The following DST variants were observed in gnomAD, a reference collection of about 807,000 sequenced individuals.
DST encodes the protein dystonin.
Under a neutral mutation model 875.2 loss-of-function variants are expected in DST, and 253 were observed. The ratio of observed to expected loss-of-function variants is 0.29; its 90% CI spans 0.26 to 0.32. The LOEUF is 0.32. Ranked by LOEUF, DST falls within the 10% of genes least tolerant of loss-of-function variation. The pLI is 1.00. For synonymous variants in DST, 3,124 were observed against 3,197.1 expected (o/e 0.98, Z 0.77); for missense variants, 8,287 against 9,111.6 (o/e 0.91, Z 3.68).
intron 92 of DST, among the ~76,000 whole-genome samples, chr6:56,475,073 G>T (rs1321671651): frequency 6.6e-6 from 1 of 151,754 alleles, no homozygotes; most frequent in Non-Finnish European, 1.5e-5. Context: ...TTCCAAGGGT[G>T]GTAAAAACTA....
rs1383525442 is a variant in DST, at chr6:56,487,091, A to C, written c.21047+13T>G. On this transcript the variant is annotated intron_variant, in intron 87 of 103. Transcript: ENST00000680361. ...TCTACAGAGTAACCAAACTGTCTTA[A>C]AGAACATTTTACCTTTCCACAGATT... 1 of 1,613,352 alleles carries C rather than the reference A, an allele frequency of 6.2e-7. No homozygotes were observed. Among genetic ancestry groups the C allele is most frequent in the Admixed American group, 1.7e-5 (1 of 59,976 alleles).
intron 9 of DST, among the ~76,000 whole-genome samples, chr6:56,684,899 G>A (rs775615762): frequency 1.3e-5 from 2 of 152,082 alleles, no homozygotes; most frequent in South Asian, 2.1e-4. Context: ...GGAAGATACC[G>A]TCCTGGATCT....
chr6:56,531,705 T>C (rs2096898209), intron 64 of DST, among the ~76,000 whole-genome samples: 1 of 152,112 alleles, frequency 6.6e-6, no homozygotes, highest in African/African-American at 2.4e-5. Flanking sequence ...CTATGGCTAG[T>C]CAATGGCGGC....
intron 2 of DST, among the ~76,000 whole-genome samples, chr6:56,906,820 G>C (rs1039994193): frequency 5.3e-5 from 8 of 152,028 alleles, no homozygotes; most frequent in African/African-American, 1.7e-4. Flanking sequence ...CGAACCCCGG[G>C]TATTTACCCC....
At chr6:56,920,072 T>C (rs1340250517) in intron 2 of DST, among the ~76,000 whole-genome samples, 2 of 152,202 alleles carry the variant, frequency 1.3e-5, no homozygotes, top group Admixed American at 6.5e-5. Context: ...AACAAATATA[T>C]AGACTGTTTA....
At chr6:56,556,762 C>G (rs1461750831) in intron 59 of DST, among the ~76,000 whole-genome samples, 1 of 151,996 alleles carries the variant, frequency 6.6e-6, no homozygotes, top group Non-Finnish European at 1.5e-5. Flanking sequence ...GGATTTTTTT[C>G]CCTTGTGGAT....
chr6:56,720,902 G>A (rs1219194666), intron 5 of DST, among the ~76,000 whole-genome samples: 3 of 147,664 alleles, frequency 2.0e-5, no homozygotes. Flanking sequence ...CCGGGCAGAG[G>A]GGCTCCTCAC....
intron 79 of DST, 103 bp downstream of exon 79, chr6:56,501,417 T>C (rs1468872937): frequency 8.7e-6 from 10 of 1,148,008 alleles, no homozygotes; most frequent in Middle Eastern, 2.9e-4. Context: ...AAATAGAATA[T>C]ATGAGAAGCA....
intron 4 of DST, among the ~76,000 whole-genome samples, chr6:56,748,893 G>A (rs2099579727): frequency 6.6e-6 from 1 of 152,106 alleles, no homozygotes; most frequent in African/African-American, 2.4e-5. Context: ...AAACAGATGT[G>A]ATTTCTTACT....
At chr6:56,826,680 A>T (rs2153055256) in intron 4 of DST, among the ~76,000 whole-genome samples, 1 of 152,350 alleles carries the variant, frequency 6.6e-6, no homozygotes, top group African/African-American at 2.4e-5. Context: ...CATATTACTT[A>T]TTAGTTGCTT....
chr6:56,645,881 C>T lies in DST; in HGVS notation c.1763G>A (p.Arg588His), dbSNP rs566628404. The part of the protein sequence containing the change: ...IAMLEREKAL[R>H]PEVERLEMLQ... ...TCTGGCCTACCTTTCTACTTCTGGA[C>T]GAAGGGCCTTCTCTCTCTCTAGCAT... Residue 588 changes from arginine to histidine, a missense_variant, in exon 15 of 104, where the codon CGT (arginine) becomes CAT (histidine). Coordinates refer to ENST00000680361, the MANE Select transcript of DST (RefSeq NM_001374736.1). The T allele has an allele frequency of 1.1e-5, 17 of 1,613,712 alleles. No individual in the cohort carries two copies. The highest frequency in any genetic ancestry group is 4.5e-5 in the East Asian group (2 of 44,860).
At chr6:56,572,363 C>A in intron 52 of DST, 97 bp from the exon 53 acceptor site, 1 of 696,098 alleles carries the variant, frequency 1.4e-6, no homozygotes, top group South Asian at 3.5e-5. Flanking sequence ...TGGCTCTATT[C>A]ATAATTTCAC....
Position 56,553,558 on chromosome 6 carries a change from T to G in DST, c.15234A>C (p.Glu5078Asp). 2 of 1,613,982 alleles carry G rather than the reference T, an allele frequency of 1.2e-6. No individual in the cohort carries two copies. Among genetic ancestry groups the G allele is most frequent in the Non-Finnish European group, 1.7e-6 (2 of 1,179,896 alleles). The change falls in exon 61 of 104, where the codon GAA becomes GAC. Residue 5078 changes from glutamate (E) to aspartate (D), a missense_variant. Around this residue, in one of 10 missense-constraint regions of DST, gnomAD observed 1,513 missense variants for 1,677.8 expected, o/e 0.90. Transcript: ENST00000680361. The stretch of plus-strand genomic sequence containing the variant: ...ATATTGGATGAGATTTGTTTTGCTC[T>G]TCTTTCTTTGTATCCAGCCAAGCCT... ...DFQAWLDTKK[E>D]EQNKSHPISA...
intron 2 of DST, among the ~76,000 whole-genome samples, chr6:56,934,190 C>T (rs1811660348): frequency 1.3e-5 from 2 of 151,970 alleles, no homozygotes; most frequent in African/African-American, 2.4e-5. Context: ...CACCAGGTGA[C>T]TGCAATTTAT....
chr6:56,638,203 C>G (rs573979786), intron 22 of DST, among the ~76,000 whole-genome samples: 1 of 152,126 alleles, frequency 6.6e-6, no homozygotes, highest in Non-Finnish European at 1.5e-5. Flanking sequence ...TATTTCCTAA[C>G]AGTTTTCATC....
intron 4 of DST, among the ~76,000 whole-genome samples, chr6:56,842,581 T>G (rs776078923): frequency 2.6e-5 from 4 of 152,074 alleles, no homozygotes; most frequent in Non-Finnish European, 4.4e-5. Context: ...TATATCAGAG[T>G]AAGTATATAG....
chr6:56,460,665 GTGTC>G (rs1160088937), intron 102 of DST: 2 of 153,550 alleles, frequency 1.3e-5, no homozygotes, highest in African/African-American at 4.8e-5. Flanking sequence ...GAGAAAAACT[GTGTC>G]TGGATATTCT....
intron 2 of DST, among the ~76,000 whole-genome samples, chr6:56,940,515 T>G (rs922762865): frequency 6.6e-6 from 1 of 152,176 alleles, no homozygotes; most frequent in Non-Finnish European, 1.5e-5. Flanking sequence ...AAAATCCATT[T>G]AATCTAATTT....
chr6:56,520,074 G>A (rs1181242364), intron 69 of DST, among the ~76,000 whole-genome samples: 2 of 152,096 alleles, frequency 1.3e-5, no homozygotes, highest in East Asian at 3.8e-4. Flanking sequence ...AGAACCAAAT[G>A]AAAATGTAGA....
Sources: allele counts gnomAD v4.1 joint callset (sites outside exome capture counted in the v4.1 genomes callset), GRCh38; gene constraint gnomAD v4.1.1; regional missense constraint gnomAD v4.1.1; transcripts MANE v1.5; gene names NCBI Gene and HGNC (gene_info 2026-07-23, HGNC 2026-07-21).